The following PTPRG variants were observed in gnomAD, a reference collection of about 807,000 sequenced individuals.
PTPRG encodes receptor-type tyrosine-protein phosphatase gamma.
In PTPRG, 102 loss-of-function variants were observed where a neutral mutation model predicts 165.3. That is an observed-to-expected ratio of 0.62 (90% CI 0.53 to 0.73). The LOEUF is 0.73. PTPRG is among the 30% of genes least tolerant of loss of function. The pLI is 0.00. For missense variants in PTPRG, 1,866 were observed against 1,861.4 expected, an observed-to-expected ratio of 1.00 and a Z score of -0.05; for synonymous variants, 675 against 669.5, an observed-to-expected ratio of 1.01 and a Z score of -0.13.
Position 62,217,442 on chromosome 3 carries a change from A to G in PTPRG, c.2156-1409A>G, listed in dbSNP as rs1700540029. The G allele has an allele frequency of 6.6e-6, 1 of 152,226 alleles. No homozygotes were observed. Among genetic ancestry groups the G allele is most frequent in the Non-Finnish European group, 1.5e-5 (1 of 68,080 alleles). 9.4% of individuals were successfully genotyped at this position (152,226 alleles called of 1,614,324 possible). ...CTGACTCGGGAGTCTTGCCTCTTTA[A>G]AAATCTGCTCCCATAGCCAATTCTT... On this transcript the variant is annotated intron_variant, in intron 12 of 29. Coordinates refer to ENST00000474889, the MANE Select transcript of PTPRG (RefSeq NM_002841.4). This position sits in a 1 kb window ranked among gnomAD's most constrained non-coding sequence, Gnocchi z 4.3.
At chr3:61,677,645 C>G (rs998358863) in intron 1 of PTPRG, among the ~76,000 whole-genome samples, 1 of 152,218 alleles carries the variant, frequency 6.6e-6, no homozygotes, top group Admixed American at 6.5e-5. Flanking sequence ...TTCCTTTTCT[C>G]TCTGTGCTGC....
intron 8 of PTPRG, among the ~76,000 whole-genome samples, chr3:62,189,517 T>C (rs1699752895): frequency 6.6e-6 from 1 of 152,116 alleles, no homozygotes; most frequent in South Asian, 2.1e-4. Context: ...GCACGCCCGC[T>C]TACTTCTTAC....
intron 2 of PTPRG, among the ~76,000 whole-genome samples, chr3:61,788,935 C>G (rs1375640779): frequency 1.3e-5 from 2 of 152,196 alleles, no homozygotes; most frequent in African/African-American, 2.4e-5. Context: ...CTGACAAATT[C>G]TCACTTTGGG....
At chr3:62,199,513 G>T (rs1700047197) in intron 10 of PTPRG, among the ~76,000 whole-genome samples, 4 of 152,154 alleles carry the variant, frequency 2.6e-5, no homozygotes, top group African/African-American at 9.7e-5. Flanking sequence ...TGAGTTTTCA[G>T]ATAAGCAAGA....
Position 62,273,115 on chromosome 3 carries a change from C to A in PTPRG, c.3318+34C>A. The stretch of plus-strand genomic sequence containing the variant: ...TAGCTGCCAGCGTCCTCACGACATT[C>A]TGGCAAATGCTGTAACTGAAATTTG... On this transcript the variant is annotated intron_variant, in intron 22 of 29. Transcript: ENST00000474889. The surrounding 1 kb of genome is among the most constrained non-coding windows in gnomAD (Gnocchi z 4.1). 1 of 1,563,852 alleles carries A rather than the reference C, an allele frequency of 6.4e-7. No individual in the cohort carries two copies. The highest frequency in any genetic ancestry group is 8.6e-7 in the Non-Finnish European group (1 of 1,157,470).
At chr3:62,287,923 A>G (rs925165041) in intron 28 of PTPRG, among the ~76,000 whole-genome samples, 5 of 152,184 alleles carry the variant, frequency 3.3e-5, no homozygotes, top group Admixed American at 2.6e-4. Context: ...ACATTCATTG[A>G]TTACAACCCA....
intron 2 of PTPRG, among the ~76,000 whole-genome samples, chr3:61,927,718 C>T (rs2039257418): frequency 6.6e-6 from 1 of 152,172 alleles, no homozygotes; most frequent in Non-Finnish European, 1.5e-5. Flanking sequence ...GTTAAAAGCT[C>T]ACTACAGGAT....
At chr3:61,724,105 C>A (rs531981137) in intron 1 of PTPRG, among the ~76,000 whole-genome samples, 3 of 150,732 alleles carry the variant, frequency 2.0e-5, no homozygotes, top group Non-Finnish European at 2.9e-5. Flanking sequence ...TGGCAGTTGG[C>A]GTCTGTAACC....
At chr3:61,675,865 T>A (rs1366986809) in intron 1 of PTPRG, among the ~76,000 whole-genome samples, 1 of 152,158 alleles carries the variant, frequency 6.6e-6, no homozygotes. Context: ...TCTCCCCAGA[T>A]CTACACATTC....
chr3:62,130,189 C>G (rs537039368), intron 5 of PTPRG, among the ~76,000 whole-genome samples: 1 of 152,292 alleles, frequency 6.6e-6, no homozygotes. Context: ...ACTCACCTGT[C>G]TGGTGATGGC....
chr3:62,069,549 T>G lies in PTPRG; in HGVS notation c.520-8614T>G, dbSNP rs114294252. 3.2e-4 allele frequency among the ~76,000 whole-genome samples: 48 copies of G among 152,088 alleles called. No homozygotes were observed. The East Asian group carries it at 7.0e-3, about 22-fold the overall frequency. ...TTATAATGTGATACACAGACAGACA[T>G]ACCTGTGTATGTTTGCTTAAAACCG... is the stretch of plus-strand genomic sequence containing the variant. On this transcript the variant is annotated intron_variant, in intron 4 of 29. Coordinates refer to ENST00000474889, the MANE Select transcript of PTPRG (RefSeq NM_002841.4).
At chr3:61,654,027 A>G (rs1025122306) in intron 1 of PTPRG, among the ~76,000 whole-genome samples, 3 of 152,206 alleles carry the variant, frequency 2.0e-5, no homozygotes, top group African/African-American at 7.2e-5. Flanking sequence ...TGAGAGGCAT[A>G]GAGGGAACAT....
intron 4 of PTPRG, among the ~76,000 whole-genome samples, chr3:62,067,712 T>C (rs1395200805): frequency 1.3e-5 from 2 of 152,096 alleles, no homozygotes; most frequent in Non-Finnish European, 1.5e-5. Flanking sequence ...CAGTTCATAA[T>C]AGGGTTTACG....
chr3:61,917,225 A>G (rs763821713), intron 2 of PTPRG, among the ~76,000 whole-genome samples: 3 of 152,012 alleles, frequency 2.0e-5, no homozygotes, highest in Non-Finnish European at 4.4e-5. Flanking sequence ...ACGTTCCACA[A>G]ACCTCCTGCC....
intron 5 of PTPRG, among the ~76,000 whole-genome samples, chr3:62,131,033 A>G (rs1703495232): frequency 6.6e-6 from 1 of 152,006 alleles, no homozygotes; most frequent in African/African-American, 2.4e-5. Flanking sequence ...TAGCACCTGT[A>G]TTCTGAATTT....
intron 2 of PTPRG, among the ~76,000 whole-genome samples, chr3:61,977,896 A>T (rs1015429264): frequency 1.1e-4 from 17 of 152,346 alleles, no homozygotes; most frequent in Middle Eastern, 3.4e-3. Flanking sequence ...TCAATTAAAA[A>T]TGTAATTTAG....
At chr3:61,937,775 T>C (rs534205329) in intron 2 of PTPRG, among the ~76,000 whole-genome samples, 1 of 152,218 alleles carries the variant, frequency 6.6e-6, no homozygotes, top group Admixed American at 6.5e-5. Flanking sequence ...GCTGTGCCAC[T>C]TCCACCTCCC....
chr3:61,771,149 C>CATAA (rs1474448813), intron 2 of PTPRG: 1 of 152,052 alleles, frequency 6.6e-6, no homozygotes, highest in Non-Finnish European at 1.5e-5. Flanking sequence ...TTATGCAGAA[C>CATAA]AATGTCTTCA....
In PTPRG at chr3:62,267,579, G is replaced by A. The variant is rs181541489; in HGVS notation, c.2739+87G>A. The stretch of plus-strand genomic sequence containing the variant: ...TTAATATATTTTAATACTGTACAGA[G>A]CTTTCACTAAAAACAAAGCCCATTC... On this transcript the variant is annotated intron_variant, in intron 18 of 29. Coordinates refer to ENST00000474889, the MANE Select transcript of PTPRG (RefSeq NM_002841.4). 18 of 1,525,884 alleles carry A rather than the reference G, an allele frequency of 1.2e-5. 1 individual carries two copies. The African/African-American group carries it at 1.9e-4, about 17-fold the overall frequency. The allele number at this position is 1,525,884 out of a possible 1,614,324, so 94.5% of individuals were successfully genotyped here. A position where few individuals can be genotyped will look rare whatever the true frequency, so the allele number is the denominator to read the frequency against.
Sources: allele counts gnomAD v4.1 joint callset (sites outside exome capture counted in the v4.1 genomes callset), GRCh38; gene constraint gnomAD v4.1.1; non-coding constraint Gnocchi (gnomAD v3.1); transcripts MANE v1.5; gene names NCBI Gene and HGNC (gene_info 2026-07-23, HGNC 2026-07-21).